KIAA2012: variants seen among roughly 807,000 people sequenced by gnomAD.
The protein encoded by KIAA2012 is KIAA2012.
Under a neutral mutation model 150.6 loss-of-function variants are expected in KIAA2012, and 125 were observed. The ratio of observed to expected loss-of-function variants is 0.83; its 90% CI spans 0.72 to 0.96. The LOEUF is 0.96. Among genes scored for constraint, KIAA2012 ranks in the 40% least tolerant of loss-of-function variants. KIAA2012 has a pLI of 0.00. For missense variants in KIAA2012, 1,219 were observed against 1,354.9 expected, an observed-to-expected ratio of 0.90 and a Z score of 1.57; for synonymous variants, 462 against 504.7, an observed-to-expected ratio of 0.92 and a Z score of 1.13.
At chr2:202,199,129 A>G (rs1364168598) in intron 22 of KIAA2012, among the ~76,000 whole-genome samples, 2 of 152,242 alleles carry the variant, frequency 1.3e-5, no homozygotes, top group Non-Finnish European at 2.9e-5. Context: ...AGTAGCCGAA[A>G]GCAGAAAACC....
chr2:202,194,258 G>C lies in KIAA2012; in HGVS notation c.3083G>C (p.Arg1028Pro). ...GAGGAGGAGAGAAAGCAGCAGCTCC[G>C]GTTGAAAGCAGCCCAGGAGAGAGCC... ...QEEEERKQQLRLKAAQERARQ... is the reference protein window; with the variant it reads ...QEEEERKQQLPLKAAQERARQ... The change falls in exon 21 of 24, where the codon CGG becomes CCG. Residue 1028 changes from arginine to proline, a missense_variant. Transcript: ENST00000498697. 1 of 1,550,570 alleles carries C rather than the reference G, an allele frequency of 6.4e-7. No individual in the cohort carries two copies. The highest frequency in any genetic ancestry group is 8.7e-7 in the Non-Finnish European group (1 of 1,147,000).
chr2:202,119,836 C>G (rs995985067), intron 11 of KIAA2012, among the ~76,000 whole-genome samples: 2 of 152,190 alleles, frequency 1.3e-5, no homozygotes. Context: ...GGCTGTGTCC[C>G]CACCCAAATT....
intron 10 of KIAA2012, 86 bp from the exon 11 acceptor site, chr2:202,113,250 G>C (rs1690423144): frequency 1.0e-6 from 1 of 992,484 alleles, no homozygotes; most frequent in Non-Finnish European, 1.5e-6. Flanking sequence ...GTGCCCGCGG[G>C]GGACCAGGGG....
chr2:202,100,846 A>T (rs1441357777), intron 7 of KIAA2012, among the ~76,000 whole-genome samples: 1 of 152,234 alleles, frequency 6.6e-6, no homozygotes, highest in Non-Finnish European at 1.5e-5. Context: ...GTTTGGCTCC[A>T]CTGAGGGTCT....
chr2:202,195,073 ATTAG>A lies in KIAA2012; in HGVS notation c.3187+715_3187+718del, dbSNP rs543988374. On this transcript the variant is annotated intron_variant, in intron 21 of 23. Transcript: ENST00000498697. ...GTGAGCCACCGTGCTCAGCCCAATT[ATTAG>A]TTATTTTTAATTGACAACAATAATT... 5.6e-4 allele frequency among the ~76,000 whole-genome samples: 85 copies of A among 152,096 alleles called. 2 individuals carry two copies. The highest frequency in any genetic ancestry group is 2.0e-3 in the African/African-American group (83 of 41,490).
At chr2:202,202,285 T>C in intron 22 of KIAA2012, 144 bp from the exon 23 acceptor site, 1 of 403,070 alleles carries the variant, frequency 2.5e-6, no homozygotes, top group Non-Finnish European at 4.4e-6. Flanking sequence ...AAATGAAGAG[T>C]ATGATCTTCC....
chr2:202,203,810 C>T (rs1387101358), intron 23 of KIAA2012, among the ~76,000 whole-genome samples: 1 of 151,192 alleles, frequency 6.6e-6, no homozygotes, highest in Non-Finnish European at 1.5e-5. Context: ...CGCTCTGTCG[C>T]CCAGGCTGGA....
chr2:202,194,767 G>C (rs1358307338), intron 21 of KIAA2012, among the ~76,000 whole-genome samples: 1 of 151,948 alleles, frequency 6.6e-6, no homozygotes, highest in Non-Finnish European at 1.5e-5. Flanking sequence ...TTGTTTGTTT[G>C]TTTTTGTTTT....
chr2:202,164,109 A>G (rs1216418534), intron 14 of KIAA2012, among the ~76,000 whole-genome samples: 2 of 152,134 alleles, frequency 1.3e-5, no homozygotes, highest in Non-Finnish European at 1.5e-5. Context: ...AGAGACTTCC[A>G]GGACCCTTCA....
intron 8 of KIAA2012, among the ~76,000 whole-genome samples, chr2:202,103,659 G>T (rs2105923427): frequency 6.6e-6 from 1 of 152,284 alleles, no homozygotes; most frequent in African/African-American, 2.4e-5. Flanking sequence ...TATCCAAAAA[G>T]TCATTTTCCT....
chr2:202,173,037 A>T (rs1691925360), intron 15 of KIAA2012, among the ~76,000 whole-genome samples: 1 of 152,140 alleles, frequency 6.6e-6, no homozygotes. Flanking sequence ...TCTCCTTCAT[A>T]TTGGAAGAGG....
intron 15 of KIAA2012, among the ~76,000 whole-genome samples, chr2:202,174,745 T>C (rs1691958012): frequency 6.6e-6 from 1 of 152,244 alleles, no homozygotes; most frequent in African/African-American, 2.4e-5. Context: ...TAGGCTCATA[T>C]CATTTTATTC....
At chr2:202,185,812 G>GT (rs769128991) in intron 16 of KIAA2012, among the ~76,000 whole-genome samples, 52 of 152,086 alleles carry the variant, frequency 3.4e-4, no homozygotes, top group Admixed American at 5.2e-4. Flanking sequence ...GAAATTAAAG[G>GT]TTTTCCAAGC....
At chr2:202,193,623 C>A in intron 20 of KIAA2012, 120 bp downstream of exon 20, 1 of 980,888 alleles carries the variant, frequency 1.0e-6, no homozygotes, top group Non-Finnish European at 1.5e-6. Flanking sequence ...GTTAAAATAG[C>A]ATGTGTCATT....
chr2:202,187,157 A>G lies in KIAA2012; in HGVS notation c.2376+59A>G, dbSNP rs566017214. The stretch of plus-strand genomic sequence containing the variant: ...GCCCTACTTGGATCTCATCAAGGAT[A>G]CCATGCACAGTTGTATAGATTGCTC... On this transcript the variant is annotated intron_variant, in intron 17 of 23. Coordinates refer to ENST00000498697, the MANE Select transcript of KIAA2012 (RefSeq NM_001277372.4). 24 of 1,522,692 alleles carry G rather than the reference A, an allele frequency of 1.6e-5. No individual in the cohort carries two copies. The African/African-American group carries it at 2.6e-4, about 17-fold the overall frequency. The allele number at this position is 1,522,692 out of a possible 1,614,324, so 94.3% of individuals were successfully genotyped here. A position where few individuals can be genotyped will look rare whatever the true frequency, so the allele number is the denominator to read the frequency against.
chr2:202,166,841 A>C (rs1009047944), intron 15 of KIAA2012, among the ~76,000 whole-genome samples: 1 of 152,168 alleles, frequency 6.6e-6, no homozygotes, highest in Non-Finnish European at 1.5e-5. Context: ...GAACACTTCA[A>C]GTTTCCACAA....
chr2:202,096,456 A>G (rs1379025275), intron 4 of KIAA2012, among the ~76,000 whole-genome samples: 2 of 152,168 alleles, frequency 1.3e-5, no homozygotes, highest in African/African-American at 4.8e-5. Context: ...CACATCTAGC[A>G]TGGCCTTCAG....
intron 2 of KIAA2012, among the ~76,000 whole-genome samples, chr2:202,078,958 G>T (rs1270887704): frequency 6.6e-6 from 1 of 152,068 alleles, no homozygotes; most frequent in Admixed American, 6.5e-5. Flanking sequence ...CACTTTGGGA[G>T]GCCAAGGCAG....
intron 3 of KIAA2012, among the ~76,000 whole-genome samples, chr2:202,091,997 G>T (rs1489720333): frequency 6.6e-6 from 1 of 152,184 alleles, no homozygotes; most frequent in Non-Finnish European, 1.5e-5. Context: ...TGAAACTTTT[G>T]AGAAAGAGCC....
Sources: allele counts gnomAD v4.1 joint callset (sites outside exome capture counted in the v4.1 genomes callset), GRCh38; gene constraint gnomAD v4.1.1; transcripts MANE v1.5; gene names NCBI Gene and HGNC (gene_info 2026-07-23, HGNC 2026-07-21).